The following PCDHGA1 variants were observed in gnomAD, a reference collection of about 807,000 sequenced individuals.
The protein encoded by PCDHGA1 is protocadherin gamma-A1.
In PCDHGA1, 32 loss-of-function variants were observed where a neutral mutation model predicts 58.0. That is an observed-to-expected ratio of 0.55 (90% CI 0.42 to 0.74). PCDHGA1 has a LOEUF of 0.74. Among genes scored for constraint, PCDHGA1 ranks in the 30% least tolerant of loss-of-function variants. The pLI is 0.00. For synonymous variants in PCDHGA1, 498 were observed against 501.1 expected, an observed-to-expected ratio of 0.99 and a Z score of 0.08; for missense variants, 1,205 against 1,182.3, an observed-to-expected ratio of 1.02 and a Z score of -0.28.
rs572457971 is a variant in PCDHGA1, at chr5:141,426,319, C to T, written c.2422-68488C>T. The T allele has an allele frequency of 1.5e-3, 257 of 175,598 alleles. 1 individual carries two copies. Among genetic ancestry groups the T allele is most frequent in the Non-Finnish European group, 1.2e-3 (99 of 79,820 alleles). 10.9% of individuals were successfully genotyped at this position (175,598 alleles called of 1,614,324 possible). ...CAGGGTGAAGCAGAGAAGCAGGACC[C>T]GGCAGTGGCAAGCACTCTTCCCTTT... is the stretch of plus-strand genomic sequence containing the variant. On this transcript the variant is annotated intron_variant, in intron 1 of 3. Coordinates refer to ENST00000517417, the MANE Select transcript of PCDHGA1 (RefSeq NM_018912.3).
At chr5:141,357,316 G>A (rs758354244) in intron 1 of PCDHGA1, 1 of 1,614,060 alleles carries the variant, frequency 6.2e-7, no homozygotes, top group Admixed American at 1.7e-5. Context: ...CGTCTTCCTG[G>A]CTTTTGTCAC....
In PCDHGA1 at chr5:141,423,758, G is replaced by T. The variant is rs1192987646; in HGVS notation, c.2422-71049G>T. Reference sequence around the variant, plus strand: ...CTGTTATGAAAACTGTTTGGGGGGGGGGTGGGGCGGCATATATTTAGTTCA... The same window carrying T: ...CTGTTATGAAAACTGTTTGGGGGGGTGGTGGGGCGGCATATATTTAGTTCA... On this transcript the variant is annotated intron_variant, in intron 1 of 3. Transcript: ENST00000517417. 1.4e-4 allele frequency: 53 copies of T among 366,832 alleles called. 6 individuals carry two copies. The highest frequency in any genetic ancestry group is 3.4e-4 in the South Asian group (4 of 11,762). 22.7% of individuals were successfully genotyped at this position (366,832 alleles called of 1,614,324 possible).
At chr5:141,383,704 C>A in intron 1 of PCDHGA1, 1 of 1,613,980 alleles carries the variant, frequency 6.2e-7, no homozygotes, top group South Asian at 1.1e-5. Flanking sequence ...TGCTATCGAC[C>A]TGGACGAGGG....
chr5:141,467,055 CTTT>C (rs1193465269), intron 1 of PCDHGA1, among the ~76,000 whole-genome samples: 5 of 134,460 alleles, frequency 3.7e-5, no homozygotes, highest in Admixed American at 7.5e-5. Context: ...TCAATGTTTT[CTTT>C]TTTTTTTTTT....
At chr5:141,393,458 G>T (rs181214352) in intron 1 of PCDHGA1, 4 of 1,613,902 alleles carry the variant, frequency 2.5e-6, no homozygotes, top group Non-Finnish European at 3.4e-6. Context: ...TCACGGCCTC[G>T]GATGGCGGCA....
rs544058288 is a variant in PCDHGA1, at chr5:141,345,580, C to G, written c.2421+12475C>G. The stretch of plus-strand genomic sequence containing the variant: ...AACTCCAACACTGGCGTCCTATACG[C>G]GCTGAGATCCTTCGACTACGAGCAA... On this transcript the variant is annotated intron_variant, in intron 1 of 3. Transcript: ENST00000517417. 4.3e-6 allele frequency: 7 copies of G among 1,614,214 alleles called. No homozygotes were observed. In the South Asian group the frequency reaches 6.6e-5, roughly 15 times the overall value.
intron 1 of PCDHGA1, chr5:141,365,773 C>T: frequency 1.2e-6 from 2 of 1,613,862 alleles, no homozygotes; most frequent in African/African-American, 1.3e-5. Flanking sequence ...ACCCCGACAG[C>T]GGCGACAACG....
chr5:141,438,901 G>A (rs1039951275), intron 1 of PCDHGA1, among the ~76,000 whole-genome samples: 2 of 151,746 alleles, frequency 1.3e-5, no homozygotes, highest in African/African-American at 2.4e-5. Flanking sequence ...CCTGACCTCA[G>A]GTGATCCACC....
chr5:141,340,394 A>T (rs1756939785), intron 1 of PCDHGA1: 7 of 1,614,120 alleles, frequency 4.3e-6, no homozygotes, highest in Non-Finnish European at 5.9e-6. Context: ...CTTCTCAGTG[A>T]CGGCCCATGA....
rs777990962 is a variant in PCDHGA1, at chr5:141,431,580, A to T, written c.2422-63227A>T. ...GCTACCGACCCTGACGAAGGAGTCA[A>T]TGCGGAAGTGAGGTATTCCTTCCGG... is the stretch of plus-strand genomic sequence containing the variant. On this transcript the variant is annotated intron_variant, in intron 1 of 3. Coordinates refer to ENST00000517417, the MANE Select transcript of PCDHGA1 (RefSeq NM_018912.3). The surrounding 1 kb of genome is among the most constrained non-coding windows in gnomAD (Gnocchi z 4.8). The T allele has an allele frequency of 6.2e-7, 1 of 1,614,216 alleles. No individual in the cohort carries two copies.
chr5:141,399,146 G>A, intron 1 of PCDHGA1: 4 of 1,613,792 alleles, frequency 2.5e-6, no homozygotes, highest in Non-Finnish European at 3.4e-6. Context: ...AATGACAATA[G>A]CCCAGAAGTT....
intron 1 of PCDHGA1, chr5:141,377,314 A>G (rs890147019): frequency 5.3e-5 from 8 of 152,110 alleles, no homozygotes; most frequent in African/African-American, 1.9e-4. Flanking sequence ...AAAGATCAAG[A>G]TCTTGGTTTT....
At chr5:141,339,515 G>A in intron 1 of PCDHGA1, 1 of 1,614,142 alleles carries the variant, frequency 6.2e-7, no homozygotes. Context: ...CTCCCTGGAC[G>A]TGCGAAGGGG....
intron 1 of PCDHGA1, among the ~76,000 whole-genome samples, chr5:141,435,561 T>A (rs2154556722): frequency 6.6e-6 from 1 of 152,294 alleles, no homozygotes; most frequent in South Asian, 2.1e-4. Flanking sequence ...TGAGTGCTTT[T>A]TTTAGTACTG....
intron 3 of PCDHGA1, among the ~76,000 whole-genome samples, chr5:141,509,056 G>A (rs1303823294): frequency 1.3e-5 from 2 of 152,178 alleles, no homozygotes; most frequent in Admixed American, 6.5e-5. Context: ...CCCCCAGAAA[G>A]CTCTCAGCTC....
Position 141,431,962 on chromosome 5 carries a change from C to G in PCDHGA1, c.2422-62845C>G. 1.2e-6 allele frequency: 2 copies of G among 1,614,190 alleles called. No homozygotes were observed. Among genetic ancestry groups the G allele is most frequent in the South Asian group, 2.2e-5 (2 of 91,086 alleles). ...AATTAGAAAAATCTTACGGAAATTACTATAGTTTAGTCACAGACATAGTCT... is the reference window on the plus strand; with the variant it reads ...AATTAGAAAAATCTTACGGAAATTAGTATAGTTTAGTCACAGACATAGTCT... On this transcript the variant is annotated intron_variant, in intron 1 of 3. Transcript: ENST00000517417. The surrounding 1 kb of genome is among the most constrained non-coding windows in gnomAD (Gnocchi z 4.8).
chr5:141,427,973 C>T (rs754410723), intron 1 of PCDHGA1: 3 of 1,594,054 alleles, frequency 1.9e-6, no homozygotes, highest in Non-Finnish European at 2.6e-6. Context: ...TGCTGTACCC[C>T]GCGCTGGGGC....
Position 141,476,373 on chromosome 5 carries a change from T to C in PCDHGA1, c.2422-18434T>C. 1 of 1,614,054 alleles carries C rather than the reference T, an allele frequency of 6.2e-7. No individual in the cohort carries two copies. Among genetic ancestry groups the C allele is most frequent in the Non-Finnish European group, 8.5e-7 (1 of 1,180,020 alleles). On this transcript the variant is annotated intron_variant, in intron 1 of 3. Transcript: ENST00000517417. This position sits in a 1 kb window ranked among gnomAD's most constrained non-coding sequence, Gnocchi z 7.6. ...GAGGTGAACCGGGAGACCGGAGAGA[T>C]GTTTGTGAACGACCGTCTGGATCGA...
At chr5:141,458,735 A>G (rs2098952642) in intron 1 of PCDHGA1, among the ~76,000 whole-genome samples, 1 of 148,560 alleles carries the variant, frequency 6.7e-6, no homozygotes, top group East Asian at 2.0e-4. Context: ...ACATCCAGCT[A>G]TTGGTTTTGG....
Sources: allele counts gnomAD v4.1 joint callset (sites outside exome capture counted in the v4.1 genomes callset), GRCh38; gene constraint gnomAD v4.1.1; non-coding constraint Gnocchi (gnomAD v3.1); transcripts MANE v1.5; gene names NCBI Gene and HGNC (gene_info 2026-07-23, HGNC 2026-07-21).